The following VTI1B variants were observed in gnomAD, a reference collection of about 807,000 sequenced individuals.
VTI1B encodes vesicle transport through interaction with t-SNAREs homolog 1B.
VTI1B carries 18 observed loss-of-function variants against 28.6 expected under a neutral mutation model. That is an observed-to-expected ratio of 0.63 (90% CI 0.43 to 0.93). The LOEUF (loss-of-function observed/expected upper bound fraction) is 0.93, where lower values mean the gene tolerates loss of function less well. Ranked by LOEUF, VTI1B falls within the 40% of genes least tolerant of loss-of-function variation. VTI1B has a pLI of 0.00. For synonymous variants in VTI1B, 100 were observed against 107.9 expected (o/e 0.93, Z 0.46); for missense variants, 283 against 297.0 (o/e 0.95, Z 0.35).
chr14:67,658,088 G>A (rs953014968), intron 3 of VTI1B, among the ~76,000 whole-genome samples: 3 of 152,114 alleles, frequency 2.0e-5, no homozygotes, highest in Non-Finnish European at 4.4e-5. Flanking sequence ...ATACAGACCA[G>A]TAGACGAGGA....
At chr14:67,660,101 T>A in intron 2 of VTI1B, 179 bp from the exon 3 acceptor site, 1 of 610,476 alleles carries the variant, frequency 1.6e-6, no homozygotes, top group Non-Finnish European at 2.8e-6. Flanking sequence ...ATGCCTTGCA[T>A]AGTGCCCAGC....
At chr14:67,669,683 C>T (rs1328749318) in intron 1 of VTI1B, among the ~76,000 whole-genome samples, 4 of 152,196 alleles carry the variant, frequency 2.6e-5, no homozygotes, top group Non-Finnish European at 4.4e-5. Context: ...CTCTGCTTCT[C>T]CTCTTATGTT....
At chr14:67,657,598 GCACACACA>G (rs544102029) in intron 3 of VTI1B, among the ~76,000 whole-genome samples, 1 of 112,372 alleles carries the variant, frequency 8.9e-6, no homozygotes, top group African/African-American at 3.5e-5. Flanking sequence ...GCGCGCGCGT[GCACACACA>G]CACACACACA....
intron 3 of VTI1B, among the ~76,000 whole-genome samples, chr14:67,656,823 G>C (rs1004350868): frequency 6.6e-6 from 1 of 152,072 alleles, no homozygotes; most frequent in Non-Finnish European, 1.5e-5. Context: ...TTACACTTAC[G>C]CGAGGCAAGG....
chr14:67,657,641 C>CCAGCTCACAG (rs995211143), intron 3 of VTI1B, among the ~76,000 whole-genome samples: 3 of 151,338 alleles, frequency 2.0e-5, no homozygotes, highest in Non-Finnish European at 4.4e-5. Context: ...CAAAAGGGAC[C>CCAGCTCACAG]CAGCTCACAG....
chr14:67,650,638 C>G lies in VTI1B; in HGVS notation c.*747G>C, dbSNP rs1282168515. 2 of 1,371,348 alleles carry G rather than the reference C, an allele frequency of 1.5e-6. No homozygotes were observed. Among genetic ancestry groups the G allele is most frequent in the Non-Finnish European group, 1.0e-6 (1 of 962,690 alleles). The allele number at this position is 1,371,348 out of a possible 1,614,324, so 84.9% of individuals were successfully genotyped here. On this transcript the variant is annotated 3_prime_UTR_variant, in exon 6 of 6. Coordinates refer to ENST00000554659, the MANE Select transcript of VTI1B (RefSeq NM_006370.3). ...TCTTGTTTTTACTTTGGCTTGTTCT[C>G]CCTGTCCCAGTGGGATGACCCTCAC...
In VTI1B at chr14:67,674,227, T is replaced by A; in HGVS notation, c.115+148A>T. On this transcript the variant is annotated intron_variant, in intron 1 of 5. Coordinates refer to ENST00000554659, the MANE Select transcript of VTI1B (RefSeq NM_006370.3). The stretch of plus-strand genomic sequence containing the variant: ...TACTCTCAGTGGCAGCAGGGAGACC[T>A]GGGGCTGGGACAAGCCAGCCCTAGG... 6.2e-6 allele frequency: 4 copies of A among 648,478 alleles called. No individual in the cohort carries two copies. In the East Asian group the frequency reaches 1.2e-4, roughly 20 times the overall value. 40.2% of individuals were successfully genotyped at this position (648,478 alleles called of 1,614,324 possible). A position where few individuals can be genotyped will look rare whatever the true frequency, so the allele number is the denominator to read the frequency against.
chr14:67,668,964 G>GTT (rs941352780), intron 1 of VTI1B, among the ~76,000 whole-genome samples: 2 of 152,114 alleles, frequency 1.3e-5, no homozygotes, highest in Non-Finnish European at 2.9e-5. Flanking sequence ...AAAAAAAAAG[G>GTT]TAAGAATAGT....
intron 1 of VTI1B, among the ~76,000 whole-genome samples, chr14:67,671,469 T>C (rs1363847089): frequency 6.6e-6 from 1 of 151,940 alleles, no homozygotes; most frequent in East Asian, 1.9e-4. Context: ...GAGGTTGCAG[T>C]GAGCTGAGAT....
Position 67,648,187 on chromosome 14 carries a change from T to G in VTI1B, c.*3198A>C, listed in dbSNP as rs374223197. The G allele has an allele frequency of 2.5e-6, 4 of 1,611,414 alleles. No individual in the cohort carries two copies. Among genetic ancestry groups the G allele is most frequent in the Non-Finnish European group, 3.4e-6 (4 of 1,178,390 alleles). On this transcript the variant is annotated 3_prime_UTR_variant, in exon 6 of 6. Transcript: ENST00000554659. ...GCTGAGGAAATACACAATACAGGTATGTAGCAACCAGGTCTGCAGCCTGTT... is the reference window on the plus strand; with the variant it reads ...GCTGAGGAAATACACAATACAGGTAGGTAGCAACCAGGTCTGCAGCCTGTT...
At position 67,674,369 on chromosome 14, in the gene VTI1B, C is replaced by T; in HGVS notation, c.115+6G>A. On this transcript the variant is annotated splice_donor_region_variant and intron_variant, in intron 1 of 5. Coordinates refer to ENST00000554659, the MANE Select transcript of VTI1B (RefSeq NM_006370.3). ...CTCCCCACGGCGTGGCCCACCCCCG[C>T]CTCACCGGTCCCCGCCGTCCCCAGC... 2 of 1,588,174 alleles carry T rather than the reference C, an allele frequency of 1.3e-6. No individual in the cohort carries two copies. The highest frequency in any genetic ancestry group is 1.7e-6 in the Non-Finnish European group (2 of 1,169,320).
At chr14:67,665,365 C>T (rs944349830) in intron 1 of VTI1B, among the ~76,000 whole-genome samples, 4 of 151,516 alleles carry the variant, frequency 2.6e-5, no homozygotes, top group Non-Finnish European at 4.4e-5. Context: ...ATCCTCCCAC[C>T]TGCTCAAGCA....
intron 1 of VTI1B, among the ~76,000 whole-genome samples, chr14:67,665,654 G>A (rs2037393613): frequency 6.6e-6 from 1 of 152,074 alleles, no homozygotes; most frequent in African/African-American, 2.4e-5. Flanking sequence ...TCTGAAACAT[G>A]GAAATTTATT....
Position 67,653,490 on chromosome 14 carries a change from GTTTA to G in VTI1B, c.545_548del (p.Val182AlafsTer6). The G allele has an allele frequency of 1.2e-6, 2 of 1,613,712 alleles. No individual in the cohort carries two copies. Among genetic ancestry groups the G allele is most frequent in the Non-Finnish European group, 1.7e-6 (2 of 1,179,698 alleles). ...GACTTTTGCTCAAGTTTTCACTTGT[GTTTA>G]CCAGCTGAGAAGAGAAAATAGTGAT... On this transcript the variant is annotated frameshift_variant, in exon 5 of 6. Coordinates refer to ENST00000554659, the MANE Select transcript of VTI1B (RefSeq NM_006370.3). LOFTEE classifies it high-confidence loss of function.
Position 67,651,193 on chromosome 14 carries a change from C to T in VTI1B, c.*192G>A, listed in dbSNP as rs2037170692. The T allele has an allele frequency of 1.8e-6, 2 of 1,124,668 alleles. No homozygotes were observed. Among genetic ancestry groups the T allele is most frequent in the Admixed American group, 5.5e-5 (2 of 36,586 alleles). 69.7% of individuals were successfully genotyped at this position (1,124,668 alleles called of 1,614,324 possible). ...GCATTTATTACCTTGGTATATCATA[C>T]TGGTCTTGTTGCTGTTGTTCCTTCA... On this transcript the variant is annotated 3_prime_UTR_variant, in exon 6 of 6. Transcript: ENST00000554659.
chr14:67,667,490 T>C (rs1468419597), intron 1 of VTI1B, among the ~76,000 whole-genome samples: 2 of 152,160 alleles, frequency 1.3e-5, no homozygotes, highest in African/African-American at 4.8e-5. Context: ...ACTACTGACC[T>C]TGTAAGGGTT....
At chr14:67,665,256 T>C (rs1216350483) in intron 1 of VTI1B, among the ~76,000 whole-genome samples, 1 of 133,570 alleles carries the variant, frequency 7.5e-6, no homozygotes, top group Non-Finnish European at 1.6e-5. Context: ...ATGTCAGTTA[T>C]ATCTTTTTTT....
intron 4 of VTI1B, among the ~76,000 whole-genome samples, chr14:67,654,050 C>T (rs1172905649): frequency 1.3e-5 from 2 of 152,196 alleles, no homozygotes; most frequent in African/African-American, 4.8e-5. Flanking sequence ...CAGATGGCTA[C>T]TTGCCATCTG....
chr14:67,662,337 T>G (rs1364250775), intron 2 of VTI1B, 140 bp downstream of exon 2: 1 of 742,812 alleles, frequency 1.3e-6, no homozygotes, highest in Non-Finnish European at 2.2e-6. Context: ...ACCATCCCCA[T>G]CAACTGGCTT....
Sources: allele counts gnomAD v4.1 joint callset (sites outside exome capture counted in the v4.1 genomes callset), GRCh38; gene constraint gnomAD v4.1.1; transcripts MANE v1.5; gene names NCBI Gene and HGNC (gene_info 2026-07-23, HGNC 2026-07-21).